SRBD1: variants seen among roughly 807,000 people sequenced by gnomAD.
SRBD1 encodes the protein S1 RNA-binding domain-containing protein 1.
Under a neutral mutation model 115.3 loss-of-function variants are expected in SRBD1, and 88 were observed. The observed-to-expected ratio is 0.76, with a 90% CI of 0.64 to 0.91. The LOEUF is 0.91. SRBD1 is among the 40% of genes least tolerant of loss of function. SRBD1 has a pLI of 0.00. For synonymous variants in SRBD1, 509 were observed against 407.7 expected (o/e 1.25, Z -2.99); for missense variants, 1,385 against 1,177.4 (o/e 1.18, Z -2.58).
intron 19 of SRBD1, among the ~76,000 whole-genome samples, chr2:45,395,128 C>CT (rs1413435369): frequency 6.6e-6 from 1 of 152,226 alleles, no homozygotes; most frequent in Non-Finnish European, 1.5e-5. Flanking sequence ...GCTGAGCAGG[C>CT]TTCCCTGGTA....
intron 10 of SRBD1, among the ~76,000 whole-genome samples, chr2:45,558,107 C>G (rs773435573): frequency 3.3e-5 from 5 of 152,064 alleles, no homozygotes; most frequent in African/African-American, 7.2e-5. Flanking sequence ...AACAGCAGCA[C>G]AATTTTAGGG....
In SRBD1 at chr2:45,506,763, T is replaced by C. The variant is rs144961259; in HGVS notation, c.1875-18432A>G. Among the ~76,000 whole-genome samples, 4 of 152,242 alleles carry C rather than the reference T, an allele frequency of 2.6e-5. 1 individual carries two copies. The highest frequency in any genetic ancestry group is 9.6e-5 in the African/African-American group (4 of 41,554). ...CCCATAGTCATTTGAAGACCAAGAG[T>C]ACTCTCACACGTATGTTCTACAGTT... On this transcript the variant is annotated intron_variant, in intron 14 of 20. Transcript: ENST00000263736.
rs1053059691 is a variant in SRBD1 at position 45,455,116 on chromosome 2, T to C, written c.2049+21877A>G. Among the ~76,000 whole-genome samples, 72 of 152,048 alleles carry C rather than the reference T, an allele frequency of 4.7e-4. 1 individual carries two copies. The highest frequency in any genetic ancestry group is 1.6e-3 in the African/African-American group (66 of 41,546). The stretch of plus-strand genomic sequence containing the variant: ...AAATGTTTTTCTAAGATATTCATTT[T>C]GACACAAAAGTTAATGAAGGACATG... On this transcript the variant is annotated intron_variant, in intron 16 of 20. Coordinates refer to ENST00000263736, the MANE Select transcript of SRBD1 (RefSeq NM_018079.5).
chr2:45,552,793 A>G (rs1672343835), intron 11 of SRBD1, among the ~76,000 whole-genome samples: 1 of 152,166 alleles, frequency 6.6e-6, no homozygotes, highest in Non-Finnish European at 1.5e-5. Flanking sequence ...GGACAACAGG[A>G]CTATGTGTCT....
intron 14 of SRBD1, among the ~76,000 whole-genome samples, chr2:45,525,853 A>G (rs552032790): frequency 1.3e-5 from 2 of 152,190 alleles, no homozygotes; most frequent in South Asian, 4.1e-4. Context: ...CAAATTGCCA[A>G]TAAGCATATG....
chr2:45,598,582 GCGA>G (rs1673980454), intron 4 of SRBD1, among the ~76,000 whole-genome samples: 1 of 151,484 alleles, frequency 6.6e-6, no homozygotes, highest in Non-Finnish European at 1.5e-5. Context: ...TCTAGCCTGG[GCGA>G]CAGAGCAAGA....
At chr2:45,467,648 C>A (rs1167731255) in intron 16 of SRBD1, among the ~76,000 whole-genome samples, 1 of 152,072 alleles carries the variant, frequency 6.6e-6, no homozygotes, top group East Asian at 1.9e-4. Flanking sequence ...AAGATAGTGT[C>A]AAAACTGTGC....
intron 17 of SRBD1, 48 bp from the exon 18 acceptor site, chr2:45,418,589 G>C (rs373339633): frequency 5.1e-5 from 72 of 1,418,446 alleles, no homozygotes; most frequent in Middle Eastern, 4.3e-4. Context: ...CATCTGAAAA[G>C]ACAATGATAT....
chr2:45,504,697 T>A (rs748007567), intron 14 of SRBD1, among the ~76,000 whole-genome samples: 1 of 152,194 alleles, frequency 6.6e-6, no homozygotes, highest in Non-Finnish European at 1.5e-5. Context: ...TTTTCTGTCC[T>A]TTATTACTAA....
intron 15 of SRBD1, among the ~76,000 whole-genome samples, chr2:45,478,184 G>A (rs771978887): frequency 6.6e-6 from 1 of 151,968 alleles, no homozygotes; most frequent in African/African-American, 2.4e-5. Context: ...TCTCATACAG[G>A]TTAGATGAAA....
chr2:45,543,070 T>C (rs1014574994), intron 14 of SRBD1, among the ~76,000 whole-genome samples: 3 of 152,214 alleles, frequency 2.0e-5, no homozygotes, highest in African/African-American at 7.2e-5. Flanking sequence ...TTCTAGCATA[T>C]ACTTTAAACA....
At position 45,599,430 on chromosome 2, in the gene SRBD1, A is replaced by G; in HGVS notation, c.648+19T>C. On this transcript the variant is annotated intron_variant, in intron 4 of 20. Transcript: ENST00000263736. ...AAGCACTCAAAACAACTAAAGTGACAGAAAAAGGCTGCACATACCTGTACC... is the reference window on the plus strand; with the variant it reads ...AAGCACTCAAAACAACTAAAGTGACGGAAAAAGGCTGCACATACCTGTACC... 2 of 1,598,610 alleles carry G rather than the reference A, an allele frequency of 1.3e-6. No individual in the cohort carries two copies. The highest frequency in any genetic ancestry group is 8.5e-7 in the Non-Finnish European group (1 of 1,171,704).
chr2:45,391,448 T>C (rs1193230776), intron 20 of SRBD1, among the ~76,000 whole-genome samples: 2 of 152,128 alleles, frequency 1.3e-5, no homozygotes, highest in Non-Finnish European at 2.9e-5. Context: ...AAAAGAGATG[T>C]AACATAAAAT....
At chr2:45,464,704 G>A (rs1219589654) in intron 16 of SRBD1, among the ~76,000 whole-genome samples, 1 of 152,062 alleles carries the variant, frequency 6.6e-6, no homozygotes, top group Non-Finnish European at 1.5e-5. Flanking sequence ...ATTCACACAG[G>A]TATAAAACAC....
intron 15 of SRBD1, among the ~76,000 whole-genome samples, chr2:45,486,490 G>A (rs2103848532): frequency 6.6e-6 from 1 of 152,224 alleles, no homozygotes; most frequent in Non-Finnish European, 1.5e-5. Flanking sequence ...CACTTTGGGA[G>A]GCCGAGGTGG....
chr2:45,540,582 G>T (rs1399355456), intron 14 of SRBD1, among the ~76,000 whole-genome samples: 1 of 151,958 alleles, frequency 6.6e-6, no homozygotes, highest in Non-Finnish European at 1.5e-5. Flanking sequence ...AAAAAAAAGT[G>T]AAAAGTCACA....
In SRBD1 at chr2:45,578,401, C is replaced by T. The variant is rs552533190; in HGVS notation, c.1072+1474G>A. On this transcript the variant is annotated intron_variant, in intron 7 of 20. Coordinates refer to ENST00000263736, the MANE Select transcript of SRBD1 (RefSeq NM_018079.5). ...AAACTTGAATTTTACTCATTTCAACCCATCTCTAAATTCACATAATCCTTT... is the reference window on the plus strand; with the variant it reads ...AAACTTGAATTTTACTCATTTCAACTCATCTCTAAATTCACATAATCCTTT... 3.1e-4 allele frequency among the ~76,000 whole-genome samples: 47 copies of T among 152,214 alleles called. 1 individual carries two copies. In the South Asian group the frequency reaches 9.5e-3, roughly 31 times the overall value.
chr2:45,401,910 T>G (rs1025288787), intron 19 of SRBD1, among the ~76,000 whole-genome samples: 2 of 152,190 alleles, frequency 1.3e-5, no homozygotes, highest in African/African-American at 4.8e-5. Context: ...AAGACTTCTT[T>G]GCTCGGCAGT....
chr2:45,581,512 G>T (rs1673362208), intron 6 of SRBD1, among the ~76,000 whole-genome samples, 181 bp downstream of exon 6: 1 of 150,688 alleles, frequency 6.6e-6, no homozygotes. Context: ...GTAAACCCAA[G>T]TGCCTAGCAC....
Sources: allele counts gnomAD v4.1 joint callset (sites outside exome capture counted in the v4.1 genomes callset), GRCh38; gene constraint gnomAD v4.1.1; transcripts MANE v1.5; gene names NCBI Gene and HGNC (gene_info 2026-07-23, HGNC 2026-07-21).